MIA2: variants seen among roughly 807,000 people sequenced by gnomAD.
The protein encoded by MIA2 is melanoma inhibitory activity protein 2.
Under a neutral mutation model 167.8 loss-of-function variants are expected in MIA2, and 127 were observed. The observed-to-expected ratio is 0.76, with a 90% CI of 0.66 to 0.88. The LOEUF (loss-of-function observed/expected upper bound fraction) is 0.88. Ranked by LOEUF, MIA2 falls within the 40% of genes least tolerant of loss-of-function variation. The pLI is 0.00. For missense variants in MIA2, 1,690 were observed against 1,624.7 expected (o/e 1.04, Z -0.69); for synonymous variants, 552 against 541.9 (o/e 1.02, Z -0.26).
intron 13 of MIA2, among the ~76,000 whole-genome samples, chr14:39,296,916 T>G (rs1386014651): frequency 6.9e-6 from 1 of 143,962 alleles, no homozygotes; most frequent in Admixed American, 6.9e-5. Flanking sequence ...GCTGGGATTA[T>G]AGGTGTCTGC....
At position 39,314,437 on chromosome 14, in the gene MIA2, T is replaced by A. The variant is rs371405316; in HGVS notation, c.3120-302T>A. Among the ~76,000 whole-genome samples, 84 of 151,836 alleles carry A rather than the reference T, an allele frequency of 5.5e-4. 1 individual carries two copies. The South Asian group carries it at 0.017, about 31-fold the overall frequency. ...TGAATAAATCTTCTAGGATCATTCT[T>A]CTTAAAAATAAAAAAAAAACAACAC... is the stretch of plus-strand genomic sequence containing the variant. On this transcript the variant is annotated intron_variant, in intron 19 of 28. Coordinates refer to ENST00000640607, the MANE Select transcript of MIA2 (RefSeq NM_001329214.4).
Position 39,277,052 on chromosome 14 carries a change from G to A in MIA2, c.2006G>A (p.Arg669Lys). 6.2e-7 allele frequency: 1 copy of A among 1,613,574 alleles called. No individual in the cohort carries two copies. Among genetic ancestry groups the A allele is most frequent in the Non-Finnish European group, 8.5e-7 (1 of 1,179,824 alleles). Residue 669 changes from arginine to lysine, a missense_variant, in exon 7 of 29, where the codon AGA (arginine) becomes AAA (lysine). Coordinates refer to ENST00000640607, the MANE Select transcript of MIA2 (RefSeq NM_001329214.4). ...TTTGCTGTTCTCTTTTTTTTGTGGA[G>A]AAGTTTTAGATCGGTAAGTAACCAG... ...GFFAVLFFLW[R>K]SFRSVRSRLY...
chr14:39,384,997 A>T (rs1210878252), intron 23 of MIA2, among the ~76,000 whole-genome samples: 1 of 152,246 alleles, frequency 6.6e-6, no homozygotes, highest in Non-Finnish European at 1.5e-5. Flanking sequence ...AATGCTAAAA[A>T]ATTAGGTCAA....
intron 23 of MIA2, among the ~76,000 whole-genome samples, chr14:39,380,489 TAG>T (rs147684847): frequency 2.0e-5 from 3 of 152,128 alleles, no homozygotes; most frequent in African/African-American, 7.2e-5. Flanking sequence ...GGTCAAGAGA[TAG>T]AGAGCATCCT....
At chr14:39,266,693 G>A (rs1377455380) in intron 6 of MIA2, 2 of 985,476 alleles carry the variant, frequency 2.0e-6, no homozygotes, top group African/African-American at 1.7e-5. Context: ...CTGGAATGAC[G>A]GCGGCGGCTG....
intron 23 of MIA2, among the ~76,000 whole-genome samples, chr14:39,358,900 C>T (rs4328353): frequency 0.19 from 28,419 of 152,084 alleles, 2,687 homozygotes; most frequent in Middle Eastern, 0.28. Context: ...GCTGCCTGAT[C>T]GTTCCTCTGA....
chr14:39,295,082 C>A, intron 13 of MIA2, 53 bp downstream of exon 13: 1 of 1,240,270 alleles, frequency 8.1e-7, no homozygotes, highest in Non-Finnish European at 1.2e-6. Context: ...TATAGATGTT[C>A]TTGTCATCCT....
chr14:39,308,426 T>C (rs769365644), intron 17 of MIA2, 23 bp from the exon 18 acceptor site: 1 of 1,402,670 alleles, frequency 7.1e-7, no homozygotes, highest in Admixed American at 2.6e-5. Flanking sequence ...CTCCTTTAAT[T>C]ATGACTTAAA....
intron 2 of MIA2, among the ~76,000 whole-genome samples, chr14:39,238,793 CAAAA>C (rs769534317): frequency 5.2e-4 from 16 of 30,804 alleles, no homozygotes; most frequent in South Asian, 1.5e-3. Flanking sequence ...GACCCTGTCT[CAAAA>C]AAAAAAAAAA....
At position 39,319,207 on chromosome 14, in the gene MIA2, A is replaced by G; in HGVS notation, c.3285-2A>G. 1 of 1,531,154 alleles carries G rather than the reference A, an allele frequency of 6.5e-7. No homozygotes were observed. The highest frequency in any genetic ancestry group is 8.9e-7 in the Non-Finnish European group (1 of 1,128,406). 94.8% of individuals were successfully genotyped at this position (1,531,154 alleles called of 1,614,324 possible). A position where few individuals can be genotyped will look rare whatever the true frequency, so the allele number is the denominator to read the frequency against. ...TTAGAGATGTTTGTTCTTTATTTGC[A>G]GATTAACTGAAACAGAGCTTAAATT... On this transcript the variant is annotated splice_acceptor_variant, in intron 22 of 28. Transcript: ENST00000640607. LOFTEE classifies it high-confidence loss of function.
At chr14:39,235,479 T>G (rs1281735245) in intron 1 of MIA2, among the ~76,000 whole-genome samples, 1 of 152,184 alleles carries the variant, frequency 6.6e-6, no homozygotes, top group Non-Finnish European at 1.5e-5. Context: ...AGATGTTTTA[T>G]TATCATAATA....
rs1317558432 is a variant in MIA2, at chr14:39,300,977, T to C, written c.2619+991T>C. 7.9e-5 allele frequency among the ~76,000 whole-genome samples: 6 copies of C among 76,164 alleles called. 1 individual carries two copies. Among genetic ancestry groups the C allele is most frequent in the African/African-American group, 2.5e-4 (6 of 23,792 alleles). The allele number at this position is 76,164 out of a possible 152,430, so 50.0% of individuals were successfully genotyped here. A position where few individuals can be genotyped will look rare whatever the true frequency, so the allele number is the denominator to read the frequency against. ...ACATACATATACACATATATACACA[T>C]ATATACATATATACACATATATACA... On this transcript the variant is annotated intron_variant, in intron 14 of 28. Coordinates refer to ENST00000640607, the MANE Select transcript of MIA2 (RefSeq NM_001329214.4).
At chr14:39,342,989 T>A (rs1367217853) in intron 25 of MIA2, among the ~76,000 whole-genome samples, 1 of 152,182 alleles carries the variant, frequency 6.6e-6, no homozygotes, top group Admixed American at 6.5e-5. Context: ...ACAAAATGTT[T>A]AACCATTTCC....
chr14:39,245,935 G>A (rs1209098172), intron 3 of MIA2, among the ~76,000 whole-genome samples: 1 of 152,038 alleles, frequency 6.6e-6, no homozygotes, highest in Non-Finnish European at 1.5e-5. Flanking sequence ...TCAAATCAAG[G>A]CAAACACACA....
intron 1 of MIA2, among the ~76,000 whole-genome samples, chr14:39,235,207 T>C (rs2053677270): frequency 6.6e-6 from 1 of 152,008 alleles, no homozygotes; most frequent in Non-Finnish European, 1.5e-5. Flanking sequence ...GGTTAATTTT[T>C]TGTATTTTAG....
At chr14:39,237,884 C>G (rs922843471) in intron 2 of MIA2, among the ~76,000 whole-genome samples, 1 of 151,416 alleles carries the variant, frequency 6.6e-6, no homozygotes, top group African/African-American at 2.4e-5. Flanking sequence ...GGATTACAGG[C>G]GTGTGCCACC....
intron 6 of MIA2, among the ~76,000 whole-genome samples, chr14:39,259,928 A>G (rs1358000113): frequency 1.3e-5 from 2 of 151,870 alleles, no homozygotes; most frequent in Non-Finnish European, 2.9e-5. Context: ...CTCATTGTTC[A>G]ATTCCCACCT....
intron 6 of MIA2, among the ~76,000 whole-genome samples, chr14:39,268,310 A>G (rs1467636605): frequency 3.3e-5 from 5 of 152,154 alleles, no homozygotes; most frequent in African/African-American, 4.8e-5. Context: ...TAGTGTTGCC[A>G]TGGTGTTTAT....
intron 6 of MIA2, chr14:39,265,760 C>T (rs929110320): frequency 8.9e-6 from 2 of 223,856 alleles, no homozygotes; most frequent in Admixed American, 5.9e-5. Context: ...GAGGCATACA[C>T]GTTGTTCTAG....
Sources: gnomAD v4.1 joint callset for allele counts (sites outside exome capture counted in the v4.1 genomes callset) on GRCh38, gnomAD v4.1.1 for gene constraint, MANE v1.5 for transcripts, NCBI Gene and HGNC (gene_info 2026-07-23, HGNC 2026-07-21) for gene names.